LRRC72: variants seen among roughly 807,000 people sequenced by gnomAD.
The protein encoded by LRRC72 is leucine-rich repeat-containing protein 72.
In LRRC72, 41 loss-of-function variants were observed where a neutral mutation model predicts 35.8. The ratio of observed to expected loss-of-function variants is 1.15; its 90% CI spans 0.89 to 1.49. The LOEUF is 1.49. Ranked by LOEUF, LRRC72 falls within the 40% of genes most tolerant of loss-of-function variation. LRRC72 has a pLI of 0.00. For synonymous variants in LRRC72, 118 were observed against 119.2 expected (o/e 0.99, Z 0.07); for missense variants, 389 against 330.7 (o/e 1.18, Z -1.37).
intron 7 of LRRC72, among the ~76,000 whole-genome samples, chr7:16,570,195 AG>A (rs1442905979): frequency 6.6e-6 from 1 of 152,214 alleles, no homozygotes; most frequent in Non-Finnish European, 1.5e-5. Flanking sequence ...AAGAATGTAT[AG>A]TGATAAACTT....
chr7:16,528,652 G>A lies in LRRC72; in HGVS notation c.90+1610G>A, dbSNP rs561418184. 2.0e-5 allele frequency among the ~76,000 whole-genome samples: 3 copies of A among 152,206 alleles called. No individual in the cohort carries two copies. The South Asian group carries it at 6.2e-4, about 32-fold the overall frequency. On this transcript the variant is annotated intron_variant, in intron 1 of 8. Coordinates refer to ENST00000401542, the MANE Select transcript of LRRC72 (RefSeq NM_001195280.2). ...AGCTGGCAGACTTTGTTTCCCAGAG[G>A]CAGTCTTGCTTCCTGTCTGCAGTTC...
At chr7:16,558,407 G>A (rs551462160) in intron 4 of LRRC72, among the ~76,000 whole-genome samples, 71 of 152,236 alleles carry the variant, frequency 4.7e-4, no homozygotes, top group Non-Finnish European at 8.2e-4. Context: ...TCGGGAGTTC[G>A]AGACCAGCCT....
intron 6 of LRRC72, among the ~76,000 whole-genome samples, chr7:16,567,014 A>G (rs1782856100): frequency 6.6e-6 from 1 of 152,130 alleles, no homozygotes; most frequent in Non-Finnish European, 1.5e-5. Flanking sequence ...AACATTCTTA[A>G]TAGTTTATTA....
At position 16,570,535 on chromosome 7, in the gene LRRC72, C is replaced by T. The variant is rs1782925015; in HGVS notation, c.670+2992C>T. Among the ~76,000 whole-genome samples the T allele has an allele frequency of 2.6e-5, 4 of 152,204 alleles. No homozygotes were observed. In the South Asian group the frequency reaches 8.3e-4, roughly 32 times the overall value. ...TTTGTTTATATTACTTAAAATATAA[C>T]TCGCCAGGCGTGGTGGCTCATACCT... On this transcript the variant is annotated intron_variant, in intron 7 of 8. Transcript: ENST00000401542.
intron 5 of LRRC72, among the ~76,000 whole-genome samples, chr7:16,563,648 A>G (rs1247187291): frequency 6.6e-6 from 1 of 152,250 alleles, no homozygotes; most frequent in Non-Finnish European, 1.5e-5. Flanking sequence ...AGCAGCATCA[A>G]TCCAAAACTC....
intron 7 of LRRC72, among the ~76,000 whole-genome samples, chr7:16,572,401 T>G (rs1325826601): frequency 6.6e-6 from 1 of 152,142 alleles, no homozygotes; most frequent in African/African-American, 2.4e-5. Context: ...GCAAAAATCC[T>G]CAATAAAATA....
At chr7:16,568,087 C>CA (rs796746681) in intron 7 of LRRC72, among the ~76,000 whole-genome samples, 49 of 147,686 alleles carry the variant, frequency 3.3e-4, no homozygotes, top group Middle Eastern at 3.4e-3. Flanking sequence ...AACAGAAATG[C>CA]AAAAAAAAAT....
At chr7:16,579,365 C>T (rs1365641565) in intron 7 of LRRC72, among the ~76,000 whole-genome samples, 1 of 152,162 alleles carries the variant, frequency 6.6e-6, no homozygotes, top group Non-Finnish European at 1.5e-5. Flanking sequence ...GCTATGAATT[C>T]AAAGGCAGAG....
chr7:16,540,862 A>G (rs990679352), intron 3 of LRRC72, among the ~76,000 whole-genome samples: 19 of 152,180 alleles, frequency 1.2e-4, no homozygotes, highest in Admixed American at 6.5e-5. Context: ...GAGTTAATTA[A>G]ACCTCTTTTC....
intron 6 of LRRC72, among the ~76,000 whole-genome samples, chr7:16,566,979 T>A (rs1198291022): frequency 6.6e-6 from 1 of 152,140 alleles, no homozygotes; most frequent in Non-Finnish European, 1.5e-5. Context: ...ATCTATCTAC[T>A]TACCTTTCTG....
rs1306528065 is a variant in LRRC72, at chr7:16,569,575, T to C, written c.670+2032T>C. On this transcript the variant is annotated intron_variant, in intron 7 of 8. Coordinates refer to ENST00000401542, the MANE Select transcript of LRRC72 (RefSeq NM_001195280.2). The stretch of plus-strand genomic sequence containing the variant: ...TGTTTCAGCAGCAGACATCATTACA[T>C]TTCACTCCTGTCAACCTAAAAAAAG... Among the ~76,000 whole-genome samples, 2 of 152,110 alleles carry C rather than the reference T, an allele frequency of 1.3e-5. 1 individual carries two copies. Among genetic ancestry groups the C allele is most frequent in the African/African-American group, 4.8e-5 (2 of 41,426 alleles).
intron 5 of LRRC72, among the ~76,000 whole-genome samples, chr7:16,564,320 C>T (rs1348480718): frequency 6.6e-6 from 1 of 152,068 alleles, no homozygotes; most frequent in African/African-American, 2.4e-5. Context: ...GCTTTTATAT[C>T]CTTGAAGAGG....
intron 3 of LRRC72, among the ~76,000 whole-genome samples, chr7:16,544,400 A>G (rs1045832814): frequency 7.9e-5 from 12 of 152,296 alleles, no homozygotes; most frequent in African/African-American, 2.6e-4. Flanking sequence ...CATATTGCAT[A>G]GATATTCATT....
At chr7:16,573,299 A>C (rs201358694) in intron 7 of LRRC72, among the ~76,000 whole-genome samples, 7 of 152,210 alleles carry the variant, frequency 4.6e-5, no homozygotes, top group African/African-American at 1.7e-4. Flanking sequence ...TTGGAAAAAA[A>C]CTACTTTAAA....
chr7:16,558,869 A>G lies in LRRC72; in HGVS notation c.317-20A>G. The stretch of plus-strand genomic sequence containing the variant: ...GAAAAAAATGTTTAAAATCTTGTAA[A>G]AATATTCTGTTTTTTTTAGGTCTGC... On this transcript the variant is annotated intron_variant, in intron 4 of 8. Coordinates refer to ENST00000401542, the MANE Select transcript of LRRC72 (RefSeq NM_001195280.2). 1 of 1,344,910 alleles carries G rather than the reference A, an allele frequency of 7.4e-7. No individual in the cohort carries two copies. Among genetic ancestry groups the G allele is most frequent in the Non-Finnish European group, 9.8e-7 (1 of 1,018,262 alleles). The allele number at this position is 1,344,910 out of a possible 1,614,324, so 83.3% of individuals were successfully genotyped here. A position where few individuals can be genotyped will look rare whatever the true frequency, so the allele number is the denominator to read the frequency against.
rs528532383 is a variant in LRRC72, at chr7:16,576,671, A to G, written c.671-3403A>G. ...TAAGAACCTGATTTGCAGATTTTTC[A>G]CCAATTACCTATATGTAAATGTAGA... is the stretch of plus-strand genomic sequence containing the variant. On this transcript the variant is annotated intron_variant, in intron 7 of 8. Coordinates refer to ENST00000401542, the MANE Select transcript of LRRC72 (RefSeq NM_001195280.2). Among the ~76,000 whole-genome samples the G allele has an allele frequency of 3.7e-4, 56 of 152,314 alleles. 1 individual carries two copies. In the South Asian group the frequency reaches 0.01, roughly 28 times the overall value.
At chr7:16,532,844 T>C (rs1439828692) in intron 2 of LRRC72, 3 of 465,050 alleles carry the variant, frequency 6.5e-6, no homozygotes, top group Non-Finnish European at 1.2e-5. Context: ...ACCTCACTAT[T>C]AGGATTGTCA....
chr7:16,570,149 CT>C (rs1562752838), intron 7 of LRRC72, among the ~76,000 whole-genome samples: 1 of 152,136 alleles, frequency 6.6e-6, no homozygotes, highest in African/African-American at 2.4e-5. Context: ...GGCAAATGTT[CT>C]TTTGAGAGGA....
intron 3 of LRRC72, among the ~76,000 whole-genome samples, chr7:16,556,303 G>C (rs1562746142): frequency 1.3e-5 from 2 of 152,170 alleles, no homozygotes; most frequent in African/African-American, 2.4e-5. Flanking sequence ...AGGATAAGGT[G>C]CTGAAGAAAC....
Sources: allele counts gnomAD v4.1 joint callset (sites outside exome capture counted in the v4.1 genomes callset), GRCh38; gene constraint gnomAD v4.1.1; transcripts MANE v1.5; gene names NCBI Gene and HGNC (gene_info 2026-07-23, HGNC 2026-07-21).